LY86: variants seen among roughly 807,000 people sequenced by gnomAD.
LY86 encodes MD-1, RP105-associated.
LY86 carries 20 observed loss-of-function variants against 17.3 expected under a neutral mutation model. The ratio of observed to expected loss-of-function variants is 1.15; its 90% CI spans 0.81 to 1.68. The LOEUF (loss-of-function observed/expected upper bound fraction) is 1.68. Among genes scored for constraint, LY86 ranks in the 40% most tolerant of loss-of-function variants. The pLI is 0.00. For synonymous variants in LY86, 74 were observed against 70.6 expected, an observed-to-expected ratio of 1.05 and a Z score of -0.24; for missense variants, 200 against 191.9, an observed-to-expected ratio of 1.04 and a Z score of -0.25.
chr6:6,622,918 A>T (rs1223209983), intron 1 of LY86: 1 of 152,182 alleles, frequency 6.6e-6, no homozygotes, highest in Admixed American at 6.5e-5. Context: ...CCCGGGAGCA[A>T]TTTGTTTGTT....
chr6:6,653,498 G>A (rs1581255223), intron 4 of LY86, among the ~76,000 whole-genome samples: 2 of 152,252 alleles, frequency 1.3e-5, no homozygotes, highest in Admixed American at 1.3e-4. Context: ...GTGCAGGACT[G>A]GGGTGCTGGC....
chr6:6,622,465 C>T (rs1002652521), intron 1 of LY86, among the ~76,000 whole-genome samples: 1 of 152,166 alleles, frequency 6.6e-6, no homozygotes, highest in Non-Finnish European at 1.5e-5. Flanking sequence ...CAGGAACTAT[C>T]GTCTCCAACC....
At chr6:6,603,131 CTT>C (rs1760966302) in intron 1 of LY86, among the ~76,000 whole-genome samples, 1 of 152,092 alleles carries the variant, frequency 6.6e-6, no homozygotes, top group South Asian at 2.1e-4. Context: ...CCTCAGGCCT[CTT>C]TTATGAAGGC....
chr6:6,601,852 G>A (rs1412743057), intron 1 of LY86, among the ~76,000 whole-genome samples: 2 of 152,200 alleles, frequency 1.3e-5, no homozygotes, highest in Non-Finnish European at 2.9e-5. Flanking sequence ...TGGGATGCCT[G>A]ATTTCCTCAT....
intron 3 of LY86, among the ~76,000 whole-genome samples, chr6:6,630,837 G>A (rs1158457718): frequency 6.6e-6 from 1 of 152,166 alleles, no homozygotes; most frequent in Non-Finnish European, 1.5e-5. Flanking sequence ...TGTGCTGTAA[G>A]TGTAAAGTAC....
intron 1 of LY86, among the ~76,000 whole-genome samples, chr6:6,617,447 A>G (rs1761580929): frequency 6.6e-6 from 1 of 152,366 alleles, no homozygotes; most frequent in Non-Finnish European, 1.5e-5. Context: ...GATGATAATG[A>G]GACTATAATG....
chr6:6,603,159 G>A (rs1467101480), intron 1 of LY86, among the ~76,000 whole-genome samples: 1 of 152,070 alleles, frequency 6.6e-6, no homozygotes, highest in Non-Finnish European at 1.5e-5. Context: ...TCCCATTCAT[G>A]AGGGTGCTGC....
chr6:6,618,033 G>A (rs189831458), intron 1 of LY86, among the ~76,000 whole-genome samples: 1 of 152,232 alleles, frequency 6.6e-6, no homozygotes, highest in East Asian at 1.9e-4. Context: ...TAGAGATGGG[G>A]TTTCACCATG....
chr6:6,613,533 C>T lies in LY86; in HGVS notation c.137-11393C>T, dbSNP rs530404520. Among the ~76,000 whole-genome samples the T allele has an allele frequency of 2.6e-5, 4 of 152,282 alleles. No individual in the cohort carries two copies. In the East Asian group the frequency reaches 5.8e-4, roughly 22 times the overall value. ...GCCCGGGGCTTGCTGTCAGGCCGGCCGCTCCGAGTGCGGGGCCCGCCGATC... is the reference window on the plus strand; with the variant it reads ...GCCCGGGGCTTGCTGTCAGGCCGGCTGCTCCGAGTGCGGGGCCCGCCGATC... On this transcript the variant is annotated intron_variant, in intron 1 of 4. Transcript: ENST00000230568.
chr6:6,597,243 C>A (rs558117133), intron 1 of LY86, among the ~76,000 whole-genome samples: 1 of 152,300 alleles, frequency 6.6e-6, no homozygotes, highest in South Asian at 2.1e-4. Context: ...GGTGGAAGAA[C>A]CCATTCCCAG....
chr6:6,650,901 A>G (rs1373273409), intron 4 of LY86, among the ~76,000 whole-genome samples: 1 of 152,110 alleles, frequency 6.6e-6, no homozygotes, highest in Non-Finnish European at 1.5e-5. Context: ...CCACTCTGGT[A>G]TCTATCTTTC....
intron 3 of LY86, among the ~76,000 whole-genome samples, chr6:6,635,006 G>C (rs1332910732): frequency 6.6e-6 from 1 of 152,162 alleles, no homozygotes; most frequent in Non-Finnish European, 1.5e-5. Context: ...CTGATGACCT[G>C]ACAACCTCTC....
intron 3 of LY86, 106 bp from the exon 4 acceptor site, chr6:6,649,519 T>G: frequency 2.9e-6 from 2 of 685,578 alleles, no homozygotes; most frequent in South Asian, 1.8e-5. Flanking sequence ...CTGCTCTTAT[T>G]TTGGTGCCAA....
Position 6,596,438 on chromosome 6 carries a change from C to T in LY86, c.136+7568C>T, listed in dbSNP as rs550965281. On this transcript the variant is annotated intron_variant, in intron 1 of 4. Transcript: ENST00000230568. ...AAAAACCTCACAGGTCATCTAGTCA[C>T]TTAGCAATACTTTCAAATATTGCAT... Among the ~76,000 whole-genome samples the T allele has an allele frequency of 2.6e-5, 4 of 152,338 alleles. No homozygotes were observed. In the South Asian group the frequency reaches 8.3e-4, roughly 32 times the overall value.
chr6:6,649,646 C>A lies in LY86; in HGVS notation c.374C>A (p.Pro125His). 6.4e-7 allele frequency: 1 copy of A among 1,574,230 alleles called. No individual in the cohort carries two copies. Among genetic ancestry groups the A allele is most frequent in the Non-Finnish European group, 8.7e-7 (1 of 1,148,838 alleles). ...RKGEQIYYAG[P>H]VNNPEFTIPQ... ...TCAGAGCAGATTTACTATGCTGGGC[C>A]TGTCAATAATCCTGAATTTACTATT... Residue 125 changes from proline to histidine, a missense_variant, in exon 4 of 5, where the codon CCT becomes CAT. Coordinates refer to ENST00000230568, the MANE Select transcript of LY86 (RefSeq NM_004271.4).
rs538272665 is a variant in LY86, at chr6:6,653,239, C to T, written c.406-1305C>T. On this transcript the variant is annotated intron_variant, in intron 4 of 4. Transcript: ENST00000230568. ...AGCTCTGCTCATTGCTAGAAAGTTG[C>T]TCCCTTCTAACAAAAGCCACCTTTC... Among the ~76,000 whole-genome samples the T allele has an allele frequency of 3.3e-5, 5 of 152,246 alleles. No individual in the cohort carries two copies. In the East Asian group the frequency reaches 9.6e-4, roughly 29 times the overall value.
At chr6:6,604,595 G>A (rs1236991665) in intron 1 of LY86, among the ~76,000 whole-genome samples, 1 of 151,878 alleles carries the variant, frequency 6.6e-6, no homozygotes, top group Non-Finnish European at 1.5e-5. Flanking sequence ...GAAAATAGGG[G>A]AAAAGGCAAT....
intron 1 of LY86, among the ~76,000 whole-genome samples, chr6:6,611,795 A>G (rs1761344083): frequency 7.3e-6 from 1 of 136,946 alleles, no homozygotes; most frequent in Non-Finnish European, 1.6e-5. Context: ...TACGGGCTCA[A>G]AAAGCTTTAA....
At chr6:6,597,916 T>C (rs1760766654) in intron 1 of LY86, among the ~76,000 whole-genome samples, 1 of 152,268 alleles carries the variant, frequency 6.6e-6, no homozygotes, top group African/African-American at 2.4e-5. Flanking sequence ...ACACCTTCCC[T>C]TCTGGCCAGT....
Sources: gnomAD v4.1 joint callset for allele counts (sites outside exome capture counted in the v4.1 genomes callset) on GRCh38, gnomAD v4.1.1 for gene constraint, MANE v1.5 for transcripts, NCBI Gene and HGNC (gene_info 2026-07-23, HGNC 2026-07-21) for gene names.